Variants in PCNX1 observed in about 807,000 individuals in gnomAD.
PCNX1 encodes pecanex-like protein 1.
In PCNX1, 78 loss-of-function variants were observed where a neutral mutation model predicts 242.2. The ratio of observed to expected loss-of-function variants is 0.32; its 90% CI spans 0.27 to 0.39. The LOEUF (loss-of-function observed/expected upper bound fraction) is 0.39. PCNX1 is among the 10% of genes least tolerant of loss of function. The pLI, the probability that PCNX1 is intolerant of heterozygous loss-of-function variation, is 1.00. For synonymous variants in PCNX1, 1,024 were observed against 1,032.9 expected, an observed-to-expected ratio of 0.99 and a Z score of 0.17; for missense variants, 2,581 against 2,856.5, an observed-to-expected ratio of 0.90 and a Z score of 2.20.
At chr14:70,944,853 C>G (rs570720040) in intron 1 of PCNX1, among the ~76,000 whole-genome samples, 1 of 152,166 alleles carries the variant, frequency 6.6e-6, no homozygotes, top group African/African-American at 2.4e-5. Flanking sequence ...GGGGCTTCCC[C>G]GTTCGCTTGG....
rs1235615655 is a variant in PCNX1, at chr14:71,111,219, A to G, written c.*1284A>G. On this transcript the variant is annotated 3_prime_UTR_variant, in exon 36 of 36. Transcript: ENST00000304743. ...AAATGCATATTCAGGGAAATATATT[A>G]CTCATATTTACAATTGGGCGATATA... 6.6e-6 allele frequency: 1 copy of G among 152,532 alleles called. No homozygotes were observed. Among genetic ancestry groups the G allele is most frequent in the African/African-American group, 2.4e-5 (1 of 41,406 alleles). The allele number at this position is 152,532 out of a possible 1,614,324, so 9.4% of individuals were successfully genotyped here.
chr14:70,915,388 A>G (rs976724356), intron 1 of PCNX1, among the ~76,000 whole-genome samples: 2 of 152,222 alleles, frequency 1.3e-5, no homozygotes, highest in East Asian at 1.9e-4. Context: ...ATAGATAAGT[A>G]AAAAGAAAAT....
At chr14:71,090,905 G>A (rs1383449302) in intron 30 of PCNX1, among the ~76,000 whole-genome samples, 1 of 152,210 alleles carries the variant, frequency 6.6e-6, no homozygotes, top group African/African-American at 2.4e-5. Context: ...TCTCTTGCCT[G>A]TTGCTGCCAG....
chr14:71,082,367 A>G (rs562218127), intron 28 of PCNX1, among the ~76,000 whole-genome samples: 4 of 152,170 alleles, frequency 2.6e-5, no homozygotes, highest in South Asian at 2.1e-4. Context: ...GTAGACATCT[A>G]TTAGGTCTGC....
intron 12 of PCNX1, among the ~76,000 whole-genome samples, chr14:71,022,463 A>G (rs1245735941): frequency 6.6e-6 from 1 of 152,196 alleles, no homozygotes; most frequent in East Asian, 1.9e-4. Context: ...TTTAAAGATT[A>G]TCTGGAGTCA....
chr14:71,033,898 A>G lies in PCNX1; in HGVS notation c.3669-33A>G, dbSNP rs374132345. 3.1e-5 allele frequency: 33 copies of G among 1,077,302 alleles called. No individual in the cohort carries two copies. In the African/African-American group the frequency reaches 3.4e-4, roughly 11 times the overall value. 66.7% of individuals were successfully genotyped at this position (1,077,302 alleles called of 1,614,324 possible). A position where few individuals can be genotyped will look rare whatever the true frequency, so the allele number is the denominator to read the frequency against. On this transcript the variant is annotated intron_variant, in intron 17 of 35. Coordinates refer to ENST00000304743, the MANE Select transcript of PCNX1 (RefSeq NM_014982.3). The stretch of plus-strand genomic sequence containing the variant: ...TGAATTACTGGTTTTCAGATTATCT[A>G]TGTATTTTCTGTTTTTTTTTCTTCA...
intron 33 of PCNX1, among the ~76,000 whole-genome samples, chr14:71,106,731 A>G (rs946479621): frequency 6.6e-6 from 1 of 152,098 alleles, no homozygotes. Context: ...GTTTTTAATG[A>G]ATTTATCAGC....
intron 5 of PCNX1, among the ~76,000 whole-genome samples, chr14:70,971,497 T>G (rs1362895409): frequency 2.0e-5 from 3 of 152,230 alleles, no homozygotes; most frequent in Admixed American, 1.3e-4. Context: ...TGTTTAACAT[T>G]TAACAAATAT....
At chr14:71,064,430 T>C (rs899856198) in intron 26 of PCNX1, among the ~76,000 whole-genome samples, 1 of 152,154 alleles carries the variant, frequency 6.6e-6, no homozygotes, top group Admixed American at 6.5e-5. Context: ...AGGACCTCAG[T>C]TGGGTAAATG....
chr14:71,108,434 T>A (rs2062681880), intron 33 of PCNX1, among the ~76,000 whole-genome samples, 170 bp from the exon 34 acceptor site: 1 of 152,230 alleles, frequency 6.6e-6, no homozygotes, highest in African/African-American at 2.4e-5. Context: ...AGAAAATAGA[T>A]CTCAGATACG....
intron 16 of PCNX1, among the ~76,000 whole-genome samples, chr14:71,031,029 A>G (rs139806070): frequency 5.0e-4 from 76 of 152,344 alleles, no homozygotes; most frequent in African/African-American, 1.8e-3. Flanking sequence ...TTCTGCAAAC[A>G]TCACTGAAAA....
At chr14:71,065,921 C>T (rs559584902) in intron 26 of PCNX1, among the ~76,000 whole-genome samples, 14 of 152,024 alleles carry the variant, frequency 9.2e-5, no homozygotes, top group African/African-American at 3.4e-4. Flanking sequence ...ATCAGATGGT[C>T]GCAGATGCGT....
intron 30 of PCNX1, among the ~76,000 whole-genome samples, chr14:71,092,357 A>C (rs899012706): frequency 2.6e-5 from 4 of 152,244 alleles, no homozygotes; most frequent in Non-Finnish European, 5.9e-5. Flanking sequence ...AATGTTATTC[A>C]AGAAAAAGCG....
At chr14:71,008,152 G>GT (rs914477975) in intron 8 of PCNX1, among the ~76,000 whole-genome samples, 1 of 152,030 alleles carries the variant, frequency 6.6e-6, no homozygotes. Flanking sequence ...TCAAATTGTT[G>GT]TTTTTTTCCT....
chr14:70,979,204 AT>A (rs770449315), intron 6 of PCNX1, among the ~76,000 whole-genome samples: 2 of 151,896 alleles, frequency 1.3e-5, no homozygotes, highest in Non-Finnish European at 2.9e-5. Context: ...CGAAAATACT[AT>A]TTTTTTCTAT....
Position 70,962,289 on chromosome 14 carries a change from C to T in PCNX1, c.426C>T (p.Cys142=). Reference sequence around the variant, plus strand: ...GAGAGGCCACACCCCCAGTTGGTTGCAGTTCCAGAAATTCTTATGCCGGTC... The same window carrying T: ...GAGAGGCCACACCCCCAGTTGGTTGTAGTTCCAGAAATTCTTATGCCGGTC... ...FIREATPPVG[C]SSRNSYAGLD... The change falls in exon 3 of 36, where the codon TGC becomes TGT. Residue 142 remains cysteine (C), a synonymous_variant. Transcript: ENST00000304743. 1.2e-6 allele frequency: 2 copies of T among 1,613,310 alleles called. No homozygotes were observed. Among genetic ancestry groups the T allele is most frequent in the Non-Finnish European group, 1.7e-6 (2 of 1,179,334 alleles).
intron 2 of PCNX1, among the ~76,000 whole-genome samples, chr14:70,948,172 G>A (rs1202269889): frequency 5.9e-5 from 9 of 152,126 alleles, no homozygotes; most frequent in Admixed American, 5.9e-4. Context: ...CATTTGCCTT[G>A]TGATATTTTA....
In PCNX1 at chr14:71,023,187, G is replaced by T; in HGVS notation, c.3151-13G>T. Reference sequence around the variant, plus strand: ...CTTCAGGAGTGTAATTTGTCTTTCTGTTTCATTTTTAGAGTGTTCAACCAG... The same window carrying T: ...CTTCAGGAGTGTAATTTGTCTTTCTTTTTCATTTTTAGAGTGTTCAACCAG... On this transcript the variant is annotated splice_polypyrimidine_tract_variant and intron_variant, in intron 12 of 35. Transcript: ENST00000304743. The T allele has an allele frequency of 6.2e-7, 1 of 1,603,494 alleles. No homozygotes were observed. The highest frequency in any genetic ancestry group is 1.3e-5 in the African/African-American group (1 of 74,742).
At chr14:71,073,893 AACG>A in intron 27 of PCNX1, 95 bp downstream of exon 27, 2 of 830,778 alleles carry the variant, frequency 2.4e-6, no homozygotes, top group Non-Finnish European at 3.3e-6. Context: ...ACTTTTTTTT[AACG>A]TATGCTTTGC....
Sources: gnomAD v4.1 joint callset for allele counts (sites outside exome capture counted in the v4.1 genomes callset) on GRCh38, gnomAD v4.1.1 for gene constraint, MANE v1.5 for transcripts, NCBI Gene and HGNC (gene_info 2026-07-23, HGNC 2026-07-21) for gene names.